LZTR1: variants seen among roughly 807,000 people sequenced by gnomAD.
LZTR1 encodes the protein leucine zipper like post translational regulator 1.
LZTR1 carries 260 observed loss-of-function variants against 105.7 expected under a neutral mutation model. That is an observed-to-expected ratio of 2.46 (90% CI 2.22 to 2.72). LZTR1 has a LOEUF of 2.72. Among genes scored for constraint, LZTR1 ranks in the 30% most tolerant of loss-of-function variants. LZTR1 has a pLI of 0.00. For synonymous variants in LZTR1, 490 were observed against 476.4 expected, an observed-to-expected ratio of 1.03 and a Z score of -0.37; for missense variants, 1,214 against 1,166.9, an observed-to-expected ratio of 1.04 and a Z score of -0.59.
chr22:20,992,953 G>A (rs1924660951), intron 11 of LZTR1, 49 bp downstream of exon 11: 3 of 1,316,512 alleles, frequency 2.3e-6, no homozygotes, highest in South Asian at 1.4e-5. Flanking sequence ...CGGATCCCCC[G>A]TGATGAGAAA....
Position 20,993,763 on chromosome 22 carries a change from C to G in LZTR1, c.1353+9C>G, listed in dbSNP as rs745792707. On this transcript the variant is annotated intron_variant, in intron 12 of 20. Transcript: ENST00000646124. ...AGTTCGTGCTGGGTGAGGTGGGTGC[C>G]TGTCCTCGCACCCTGCTCTGCCTGC... 2.5e-6 allele frequency: 4 copies of G among 1,610,444 alleles called. No individual in the cohort carries two copies. In the East Asian group the frequency reaches 6.7e-5, roughly 27 times the overall value.
chr22:20,986,049 C>G (rs1395480806), intron 3 of LZTR1, 152 bp downstream of exon 3: 13 of 738,180 alleles, frequency 1.8e-5, no homozygotes, highest in Non-Finnish European at 2.7e-5. Context: ...GATGCCACAT[C>G]CAGAGCCGCC....
At position 20,986,110 on chromosome 22, in the gene LZTR1, C is replaced by G. The variant is rs539108859; in HGVS notation, c.320+213C>G. ...CCACCCCGCACCTGCAGCTGCCAAG[C>G]TGGGCACACAGGGCGGCACCCTTCT... On this transcript the variant is annotated intron_variant, in intron 3 of 20. Coordinates refer to ENST00000646124, the MANE Select transcript of LZTR1 (RefSeq NM_006767.4). 1.3e-5 allele frequency: 8 copies of G among 595,310 alleles called. No individual in the cohort carries two copies. The highest frequency in any genetic ancestry group is 1.3e-4 in the African/African-American group (7 of 53,816). 36.9% of individuals were successfully genotyped at this position (595,310 alleles called of 1,614,324 possible).
At chr22:20,992,519 T>C in intron 10 of LZTR1, 150 bp downstream of exon 10, 1 of 943,534 alleles carries the variant, frequency 1.1e-6, no homozygotes, top group Non-Finnish European at 1.5e-6. Flanking sequence ...GCCCTCACCC[T>C]GCTGGCCAGG....
rs757502214 is a variant in LZTR1 at position 20,988,117 on chromosome 22, C to T, written c.508C>T (p.Arg170Trp). Residue 170 changes from arginine to tryptophan, a missense_variant and splice_region_variant, in exon 5 of 21, where the codon CGG becomes TGG. Physicochemically the swap from Arg to Trp is moderately radical, Grantham distance 101. Coordinates refer to ENST00000646124, the MANE Select transcript of LZTR1 (RefSeq NM_006767.4). ...GQWTEWKIEG[R>W]LPVARSAHGA... ...GTGGACGGAGTGGAAAATTGAAGGA[C>T]GGTGAGAAACTTTGCAGAAACATTT... 9.4e-6 allele frequency: 15 copies of T among 1,593,986 alleles called. No individual in the cohort carries two copies. The highest frequency in any genetic ancestry group is 6.6e-5 in the South Asian group (6 of 90,578).
At chr22:20,990,835 A>T (rs1352919688) in intron 8 of LZTR1, 2 of 288,984 alleles carry the variant, frequency 6.9e-6, no homozygotes, top group Non-Finnish European at 1.3e-5. Context: ...GCCTGCATAG[A>T]TCTCAAATAA....
At chr22:20,989,794 G>A in intron 7 of LZTR1, 112 bp downstream of exon 7, 1 of 1,217,570 alleles carries the variant, frequency 8.2e-7, no homozygotes. Flanking sequence ...GGTGGAGGGA[G>A]GTGGGAGGCA....
chr22:20,984,789 G>A (rs1924321106), intron 2 of LZTR1, among the ~76,000 whole-genome samples: 1 of 152,220 alleles, frequency 6.6e-6, no homozygotes, highest in Non-Finnish European at 1.5e-5. Flanking sequence ...CCCAGCACAG[G>A]CTGGGCATGA....
chr22:20,996,700 T>C lies in LZTR1; in HGVS notation c.2224T>C (p.Leu742=). ...AGCTCCTTAACCAGGCCCCAGCTACTTGTTTGCGGCCCCCTACTACTACGG... is the reference window on the plus strand; with the variant it reads ...AGCTCCTTAACCAGGCCCCAGCTACCTGTTTGCGGCCCCCTACTACTACGG... ...VNMPPEDSLY[L]FAAPYYYGFY... The change falls in exon 19 of 21, where the codon TTG becomes CTG. Residue 742 remains leucine, a synonymous_variant. Transcript: ENST00000646124. The C allele has an allele frequency of 6.2e-7, 1 of 1,613,454 alleles. No homozygotes were observed. The highest frequency in any genetic ancestry group is 8.5e-7 in the Non-Finnish European group (1 of 1,179,854).
chr22:20,997,257 CG>C lies in LZTR1; in HGVS notation c.2433del (p.Leu812Ter), dbSNP rs1569158629. 1.2e-6 allele frequency: 2 copies of C among 1,613,616 alleles called. No individual in the cohort carries two copies. The highest frequency in any genetic ancestry group is 2.7e-5 in the African/African-American group (2 of 74,928). ...TKVSKLPTLR[S>X]LSQQLLLDII... Reference sequence around the variant, plus strand: ...GTCTCCAAGTTGCCCACCCTGCGGTCGCTGAGCCAGCAGCTGCTGCTGGACA... The same window carrying C: ...GTCTCCAAGTTGCCCACCCTGCGGTCCTGAGCCAGCAGCTGCTGCTGGACA... On this transcript the variant is annotated frameshift_variant, in exon 21 of 21. Transcript: ENST00000646124. LOFTEE classifies it high-confidence loss of function.
rs147684991 is a variant in LZTR1, at chr22:20,993,955, T to C, written c.1385T>C (p.Ile462Thr). The change falls in exon 13 of 21, where the codon ATT becomes ACT. Residue 462 changes from isoleucine (I) to threonine (T), a missense_variant. Coordinates refer to ENST00000646124, the MANE Select transcript of LZTR1 (RefSeq NM_006767.4). ...GAGTGCGTGCAGGGCCACGTAGCCATTGTCACAGCGCGGAGCCGCTGGCTT... is the reference window on the plus strand; with the variant it reads ...GAGTGCGTGCAGGGCCACGTAGCCACTGTCACAGCGCGGAGCCGCTGGCTT... Reference protein sequence around the residue: ...KEECVQGHVAIVTARSRWLRR... With the variant: ...KEECVQGHVATVTARSRWLRR... 1.2e-5 allele frequency: 20 copies of C among 1,612,694 alleles called. No individual in the cohort carries two copies. The highest frequency in any genetic ancestry group is 1.7e-4 in the Middle Eastern group (1 of 5,996).
chr22:20,996,767 T>C lies in LZTR1; in HGVS notation c.2291T>C (p.Leu764Pro). The C allele has an allele frequency of 6.2e-7, 1 of 1,613,422 alleles. No individual in the cohort carries two copies. Among genetic ancestry groups the C allele is most frequent in the Non-Finnish European group, 8.5e-7 (1 of 1,179,978 alleles). The change falls in exon 19 of 21, where the codon CTG becomes CCG. Residue 764 changes from leucine (L) to proline (P), a missense_variant. Leu to Pro is a moderately conservative substitution (Grantham distance 98). Coordinates refer to ENST00000646124, the MANE Select transcript of LZTR1 (RefSeq NM_006767.4). The part of the protein sequence containing the change: ...NRLQAYCKQN[L>P]EMNVTVQNVL... Reference sequence around the variant, plus strand: ...CTGCAGGCGTACTGCAAGCAGAACCTGGAGATGAACGTGACGGTGCAGAAC... The same window carrying C: ...CTGCAGGCGTACTGCAAGCAGAACCCGGAGATGAACGTGACGGTGCAGAAC...
intron 2 of LZTR1, among the ~76,000 whole-genome samples, chr22:20,983,377 C>G (rs1486177407): frequency 6.6e-6 from 1 of 152,246 alleles, no homozygotes; most frequent in African/African-American, 2.4e-5. Flanking sequence ...ACACAACCAC[C>G]CTTGCGGCCA....
intron 6 of LZTR1, 21 bp downstream of exon 6, chr22:20,988,893 T>C: frequency 6.2e-7 from 1 of 1,606,922 alleles, no homozygotes; most frequent in South Asian, 1.1e-5. Context: ...GTCCGGCCTG[T>C]GCACCCCACC....
intron 2 of LZTR1, among the ~76,000 whole-genome samples, chr22:20,984,944 C>T (rs1266619967): frequency 6.6e-6 from 1 of 152,090 alleles, no homozygotes; most frequent in Non-Finnish European, 1.5e-5. Context: ...ATGGCAGGGG[C>T]CAGGTGCAGT....
rs1214662056 is a variant in LZTR1 at position 20,991,753 on chromosome 22, C to T, written c.917C>T (p.Thr306Met). Residue 306 changes from threonine to methionine, a missense_variant, in exon 9 of 21, where the codon ACG (threonine) becomes ATG (methionine). Thr to Met is a moderately conservative substitution (Grantham distance 81, BLOSUM62 -1). Coordinates refer to ENST00000646124, the MANE Select transcript of LZTR1 (RefSeq NM_006767.4). ...GTGTTTGGGGGTGCGGCCGACAACA[C>T]GCTGCCCAACGAGCTGCACTGCTAT... ...LYVFGGAADN[T>M]LPNELHCYDV... 2 of 1,562,664 alleles carry T rather than the reference C, an allele frequency of 1.3e-6. No homozygotes were observed. Among genetic ancestry groups the T allele is most frequent in the South Asian group, 1.2e-5 (1 of 85,060 alleles).
At chr22:20,993,641 C>T (rs1486906056) in intron 11 of LZTR1, 21 bp from the exon 12 acceptor site, 1 of 1,605,008 alleles carries the variant, frequency 6.2e-7, no homozygotes, top group South Asian at 1.1e-5. Flanking sequence ...AACATCTAGT[C>T]TCACTGGGCC....
Position 20,989,007 on chromosome 22 carries a change from G to C in LZTR1, c.593+135G>C, listed in dbSNP as rs990847598. On this transcript the variant is annotated intron_variant, in intron 6 of 20. Transcript: ENST00000646124. ...ATTTTGAGTGCCACTCTGTCTGGGG[G>C]TTTCTTGGGAGGGGGATGGGGAAAG... The C allele has an allele frequency of 9.3e-6, 7 of 751,000 alleles. No homozygotes were observed. The African/African-American group carries it at 1.2e-4, about 13-fold the overall frequency. 46.5% of individuals were successfully genotyped at this position (751,000 alleles called of 1,614,324 possible). A position where few individuals can be genotyped will look rare whatever the true frequency, so the allele number is the denominator to read the frequency against.
Position 20,997,324 on chromosome 22 carries a change from C to A in LZTR1, c.2499C>A (p.Cys833Ter). 1 of 1,613,432 alleles carries A rather than the reference C, an allele frequency of 6.2e-7. No homozygotes were observed. The highest frequency in any genetic ancestry group is 8.5e-7 in the Non-Finnish European group (1 of 1,179,796). Residue 833 changes from cysteine to a stop codon, truncating the protein, a stop_gained, in exon 21 of 21, where the codon TGC (cysteine) becomes TGA (stop). Transcript: ENST00000646124. LOFTEE classifies it high-confidence loss of function. The stretch of plus-strand genomic sequence containing the variant: ...CCTCCCACATCTCAGACAAGCAGTG[C>A]GCAGAGCTGGGCGCCGACATCTGAG... ...SLASHISDKQ[C>*]AELGADI
Sources: gnomAD v4.1 joint callset for allele counts (sites outside exome capture counted in the v4.1 genomes callset) on GRCh38, gnomAD v4.1.1 for gene constraint, MANE v1.5 for transcripts, NCBI Gene and HGNC (gene_info 2026-07-23, HGNC 2026-07-21) for gene names.